CRB1: variants seen among roughly 807,000 people sequenced by gnomAD.
CRB1 encodes crumbs cell polarity complex component 1, also known as protein crumbs homolog 1.
CRB1 carries 83 observed loss-of-function variants against 120.0 expected under a neutral mutation model. The ratio of observed to expected loss-of-function variants is 0.69; its 90% confidence interval spans 0.58 to 0.83. CRB1 has a LOEUF of 0.83. CRB1 is among the 40% of genes least tolerant of loss of function. The pLI is 0.00. For missense variants in CRB1, 1,699 were observed against 1,687.6 expected, an observed-to-expected ratio of 1.01 and a Z score of -0.12; for synonymous variants, 625 against 612.5, an observed-to-expected ratio of 1.02 and a Z score of -0.30.
chr1:197,361,483 C>CT lies in CRB1; in HGVS notation c.1171+4479dup, dbSNP rs556580666. On this transcript the variant is annotated intron_variant, in intron 5 of 11. Coordinates refer to ENST00000367400, the MANE Select transcript of CRB1 (RefSeq NM_201253.3). ...ATTTGTGGATTTCAAGGGATTGGTC[C>CT]TTTTTTTTTCTAAAAATTGTGTATT... Among the ~76,000 whole-genome samples the CT allele has an allele frequency of 7.7e-4, 116 of 150,412 alleles. 1 individual carries two copies. The East Asian group carries it at 0.012, about 15-fold the overall frequency.
At chr1:197,322,790 A>T (rs1658279288) in intron 1 of CRB1, among the ~76,000 whole-genome samples, 1 of 152,266 alleles carries the variant, frequency 6.6e-6, no homozygotes, top group East Asian at 1.9e-4. Context: ...TATGAACATT[A>T]ATGTTTAGAA....
At chr1:197,476,144 A>G (rs760698274) in intron 11 of CRB1, among the ~76,000 whole-genome samples, 1 of 152,040 alleles carries the variant, frequency 6.6e-6, no homozygotes, top group Non-Finnish European at 1.5e-5. Flanking sequence ...TCCTGACCTC[A>G]GGTGATCTGC....
the CRB1 span, among the ~76,000 whole-genome samples, chr1:197,214,316 A>G: frequency 1.8e-4 from 27 of 152,036 alleles, no homozygotes; most frequent in Non-Finnish European, 2.2e-4. Context: ...TTTTTTTTTC[A>G]ATATATACAG....
At chr1:197,444,738 T>C (rs1460636448) in intron 11 of CRB1, 1 of 152,202 alleles carries the variant, frequency 6.6e-6, no homozygotes, top group Admixed American at 6.5e-5. Flanking sequence ...CCTTTTCTTT[T>C]TATTCTTCTG....
chr1:197,442,447 A>T, intron 11 of CRB1, 155 bp downstream of exon 11: 1 of 1,558,496 alleles, frequency 6.4e-7, no homozygotes, highest in Non-Finnish European at 8.6e-7. Flanking sequence ...CAAATGAAAA[A>T]AAAAGCCATT....
intron 5 of CRB1, among the ~76,000 whole-genome samples, chr1:197,376,953 G>A (rs1169021580): frequency 6.6e-6 from 1 of 152,012 alleles, no homozygotes; most frequent in African/African-American, 2.4e-5. Context: ...TACTTGGTTA[G>A]GCCAAACTCA....
At chr1:197,237,836 T>C in the CRB1 span, among the ~76,000 whole-genome samples, 1 of 152,112 alleles carries the variant, frequency 6.6e-6, no homozygotes, top group Admixed American at 6.5e-5. Context: ...TTCTCTTTTG[T>C]TTTCAATTTT....
intron 1 of CRB1, among the ~76,000 whole-genome samples, chr1:197,316,120 T>C (rs999481720): frequency 2.6e-5 from 4 of 152,234 alleles, no homozygotes; most frequent in Non-Finnish European, 5.9e-5. Context: ...GCCATCATCA[T>C]TCTTGCATCA....
chr1:197,330,521 A>C (rs950788294), intron 2 of CRB1, among the ~76,000 whole-genome samples: 10 of 152,080 alleles, frequency 6.6e-5, no homozygotes, highest in Admixed American at 2.6e-4. Flanking sequence ...ATTTCCTCTA[A>C]TAAATCTTCT....
At chr1:197,428,981 C>A (rs369154069) in intron 7 of CRB1, 5 of 1,532,468 alleles carry the variant, frequency 3.3e-6, no homozygotes, top group Middle Eastern at 1.7e-4. Context: ...CAGAGGCAGA[C>A]CAATGTGGGA....
At chr1:197,414,156 A>G (rs1207503745) in intron 5 of CRB1, among the ~76,000 whole-genome samples, 1 of 152,194 alleles carries the variant, frequency 6.6e-6, no homozygotes, top group Non-Finnish European at 1.5e-5. Context: ...TTATGCATTG[A>G]GTTTTTGGCT....
chr1:197,203,794 C>T, the CRB1 span, among the ~76,000 whole-genome samples: 2 of 152,124 alleles, frequency 1.3e-5, no homozygotes, highest in Non-Finnish European at 1.5e-5. Flanking sequence ...GGATTAATTA[C>T]TTTTGACTTT....
intron 1 of CRB1, among the ~76,000 whole-genome samples, chr1:197,278,668 A>T (rs1049494586): frequency 6.6e-6 from 1 of 151,956 alleles, no homozygotes; most frequent in Non-Finnish European, 1.5e-5. Context: ...ATTCAGGCAT[A>T]AAATATTTGG....
chr1:197,252,574 ATATATATATGTGTGTGTG>A, the CRB1 span, among the ~76,000 whole-genome samples: 25 of 41,822 alleles, frequency 6.0e-4, no homozygotes, highest in African/African-American at 1.3e-3. Context: ...ATATATATAT[ATATATATATGTGTGTGTG>A]TGTGTGTGTG....
At chr1:197,394,997 T>C (rs1444898296) in intron 5 of CRB1, among the ~76,000 whole-genome samples, 8 of 152,252 alleles carry the variant, frequency 5.3e-5, no homozygotes, top group Middle Eastern at 3.4e-3. Context: ...AGGAGCATCG[T>C]TTGTACCATA....
At chr1:197,236,871 G>A in the CRB1 span, among the ~76,000 whole-genome samples, 49 of 152,092 alleles carry the variant, frequency 3.2e-4, 1 homozygote, top group Non-Finnish European at 8.8e-5. Flanking sequence ...TTTTGTTGTG[G>A]TATATAATTC....
At chr1:197,470,956 G>A (rs142966919) in intron 11 of CRB1, among the ~76,000 whole-genome samples, 2 of 152,292 alleles carry the variant, frequency 1.3e-5, no homozygotes, top group Non-Finnish European at 2.9e-5. Flanking sequence ...TTGAGTTAAT[G>A]TTGAGGTTGA....
At chr1:197,267,080 G>A (rs1394070282), upstream of CRB1, among the ~76,000 whole-genome samples, 2 of 152,106 alleles carry the variant, frequency 1.3e-5, no homozygotes, top group African/African-American at 2.4e-5. Context: ...TGGTCCTAAT[G>A]TTGACACTGA....
rs531383905 is a variant in CRB1 at position 197,386,333 on chromosome 1, A to G, written c.1171+29320A>G. Among the ~76,000 whole-genome samples the G allele has an allele frequency of 3.9e-5, 6 of 152,272 alleles. No homozygotes were observed. The South Asian group carries it at 8.3e-4, about 21-fold the overall frequency. On this transcript the variant is annotated intron_variant, in intron 5 of 11. Coordinates refer to ENST00000367400, the MANE Select transcript of CRB1 (RefSeq NM_201253.3). ...AGCTTTGCAAATATCTGTTATTATT[A>G]TTCCACATCTTTGTATCTCTTATCA...
Sources: allele counts gnomAD v4.1 joint callset (sites outside exome capture counted in the v4.1 genomes callset), GRCh38; gene constraint gnomAD v4.1.1; transcripts MANE v1.5; gene names NCBI Gene and HGNC (gene_info 2026-07-23, HGNC 2026-07-21).